The following FMN2 variants were observed in gnomAD, a reference collection of about 807,000 sequenced individuals.
The protein encoded by FMN2 is formin-2.
FMN2 carries 51 observed loss-of-function variants against 142.3 expected under a neutral mutation model. The observed-to-expected ratio is 0.36, with a 90% CI of 0.29 to 0.45. FMN2 has a LOEUF of 0.45. Ranked by LOEUF, FMN2 falls within the 20% of genes least tolerant of loss-of-function variation. The probability of loss-of-function intolerance (pLI) is 1.00; values close to 1 mark genes in which losing one functional copy is unlikely to be tolerated. For missense variants in FMN2, 1,936 were observed against 2,122.8 expected (o/e 0.91, Z 1.73); for synonymous variants, 882 against 869.8 (o/e 1.01, Z -0.25).
rs181797599 is a variant in FMN2, at chr1:240,252,386, A to G, written c.4066-5559A>G. On this transcript the variant is annotated intron_variant, in intron 6 of 17. Coordinates refer to ENST00000319653, the MANE Select transcript of FMN2 (RefSeq NM_020066.5). The stretch of plus-strand genomic sequence containing the variant: ...CTTTTGCATGCTTTCATGATGGTGG[A>G]TATCATTCTTTTGCTTGCAGGTGTA... Among the ~76,000 whole-genome samples the G allele has an allele frequency of 4.0e-3, 607 of 151,992 alleles. 2 individuals are homozygous for G. Among genetic ancestry groups the G allele is most frequent in the African/African-American group, 0.014 (571 of 41,446 alleles).
chr1:240,203,038 A>G (rs573824663), intron 4 of FMN2, among the ~76,000 whole-genome samples: 3 of 152,352 alleles, frequency 2.0e-5, no homozygotes, highest in African/African-American at 7.2e-5. Flanking sequence ...GTCACCTTTA[A>G]GAGTATGCTG....
intron 7 of FMN2, among the ~76,000 whole-genome samples, chr1:240,293,957 T>C (rs1420061696): frequency 6.6e-6 from 1 of 152,170 alleles, no homozygotes; most frequent in Non-Finnish European, 1.5e-5. Flanking sequence ...ATGCCTCTTA[T>C]CAAAATAAAT....
chr1:240,439,270 C>CAAAA (rs58234038), intron 16 of FMN2, among the ~76,000 whole-genome samples: 15 of 101,262 alleles, frequency 1.5e-4, no homozygotes, highest in African/African-American at 5.0e-4. Flanking sequence ...AAGGCTGTCT[C>CAAAA]AAAAAAAAAA....
At chr1:240,422,178 A>G (rs1674790525) in intron 15 of FMN2, among the ~76,000 whole-genome samples, 1 of 152,210 alleles carries the variant, frequency 6.6e-6, no homozygotes, top group Non-Finnish European at 1.5e-5. Context: ...TCTTGAAGTC[A>G]GATAGTATCA....
chr1:240,166,292 C>T (rs1020836431), intron 2 of FMN2, among the ~76,000 whole-genome samples: 32 of 151,880 alleles, frequency 2.1e-4, no homozygotes, highest in African/African-American at 7.3e-4. Context: ...TGCAATGGCA[C>T]GATCTTGGCT....
chr1:240,176,279 T>A (rs1384578722), intron 2 of FMN2, among the ~76,000 whole-genome samples: 1 of 152,206 alleles, frequency 6.6e-6, no homozygotes, highest in East Asian at 1.9e-4. Flanking sequence ...CAAATGAAGT[T>A]TTGCCCAACA....
chr1:240,388,748 A>G (rs986132168), intron 14 of FMN2, among the ~76,000 whole-genome samples: 1 of 151,556 alleles, frequency 6.6e-6, no homozygotes, highest in African/African-American at 2.4e-5. Context: ...TGTAATCCCA[A>G]CTACTCGGGA....
rs568567427 is a variant in FMN2 at position 240,389,154 on chromosome 1, C to T, written c.4859-3357C>T. Among the ~76,000 whole-genome samples the T allele has an allele frequency of 7.9e-5, 12 of 152,198 alleles. 1 individual carries two copies. Among genetic ancestry groups the T allele is most frequent in the Admixed American group, 4.6e-4 (7 of 15,266 alleles). The stretch of plus-strand genomic sequence containing the variant: ...TTTTATCTCTTGTATGCAATTCACT[C>T]GGCATACTTTATTTAAATGAAGTTT... On this transcript the variant is annotated intron_variant, in intron 14 of 17. Transcript: ENST00000319653.
At position 240,355,904 on chromosome 1, in the gene FMN2, T is replaced by C; in HGVS notation, c.4854T>C (p.Ile1618=). The C allele has an allele frequency of 6.7e-7, 1 of 1,499,322 alleles. No individual in the cohort carries two copies. The highest frequency in any genetic ancestry group is 1.1e-5 in the South Asian group (1 of 87,230). 92.9% of individuals were successfully genotyped at this position (1,499,322 alleles called of 1,614,324 possible). ...PFKENMEQFI[I]QAKIDQEAEE... ...AGGAAAACATGGAACAATTTATTATTCAAGGTAAATTCCAAAGAGATGTGT... is the reference window on the plus strand; with the variant it reads ...AGGAAAACATGGAACAATTTATTATCCAAGGTAAATTCCAAAGAGATGTGT... The change falls in exon 14 of 18, where the codon ATT becomes ATC. Residue 1618 remains isoleucine, a synonymous_variant. Transcript: ENST00000319653.
At chr1:240,454,487 A>T (rs1676171590) in intron 16 of FMN2, among the ~76,000 whole-genome samples, 1 of 152,180 alleles carries the variant, frequency 6.6e-6, no homozygotes, top group African/African-American at 2.4e-5. Flanking sequence ...GGTTGCAATG[A>T]GCTGAGATCG....
At chr1:240,305,181 T>C (rs1224787818) in intron 8 of FMN2, among the ~76,000 whole-genome samples, 1 of 152,202 alleles carries the variant, frequency 6.6e-6, no homozygotes, top group African/African-American at 2.4e-5. Context: ...TTGATTGTAT[T>C]TTCCTTTGAG....
chr1:240,248,465 C>T (rs1333250747), intron 6 of FMN2, among the ~76,000 whole-genome samples: 2 of 144,348 alleles, frequency 1.4e-5, no homozygotes, highest in Non-Finnish European at 3.0e-5. Flanking sequence ...ATATAACATA[C>T]ATGTTATATA....
intron 8 of FMN2, among the ~76,000 whole-genome samples, chr1:240,328,167 A>AAAAAAAAAAAAGAAAG (rs1558435720): frequency 1.4e-5 from 2 of 141,074 alleles, no homozygotes; most frequent in African/African-American, 5.4e-5. Flanking sequence ...AAAAAAAAAA[A>AAAAAAAAAAAAGAAAG]AAAAAGAAAA....
At chr1:240,184,715 G>A (rs1293759621) in intron 3 of FMN2, among the ~76,000 whole-genome samples, 1 of 151,882 alleles carries the variant, frequency 6.6e-6, no homozygotes, top group African/African-American at 2.4e-5. Flanking sequence ...ATTCCTGAAA[G>A]TGCCCTGGAT....
intron 13 of FMN2, among the ~76,000 whole-genome samples, chr1:240,353,233 A>G (rs898117466): frequency 2.0e-5 from 3 of 152,216 alleles, no homozygotes; most frequent in Non-Finnish European, 4.4e-5. Flanking sequence ...TTTTTTGTGC[A>G]TGTACTTAGC....
At chr1:240,319,006 T>C (rs1670880264) in intron 8 of FMN2, among the ~76,000 whole-genome samples, 1 of 152,176 alleles carries the variant, frequency 6.6e-6, no homozygotes, top group South Asian at 2.1e-4. Flanking sequence ...TTCTGAAGTA[T>C]GCAGGTGAAA....
At chr1:240,343,250 T>A (rs1671801295) in intron 13 of FMN2, among the ~76,000 whole-genome samples, 2 of 152,226 alleles carry the variant, frequency 1.3e-5, no homozygotes, top group Non-Finnish European at 2.9e-5. Flanking sequence ...GACTACTCTG[T>A]GTCACTGTTT....
rs565623395 is a variant in FMN2, at chr1:240,158,921, AC to A, written c.1783-18997del. ...ATTATTCTTTGGTAGCTTAATGATT[AC>A]CCTTCTACATAATATTTATATATAG... On this transcript the variant is annotated intron_variant, in intron 2 of 17. Transcript: ENST00000319653. Among the ~76,000 whole-genome samples the A allele has an allele frequency of 4.6e-5, 7 of 152,266 alleles. No homozygotes were observed. The East Asian group carries it at 1.4e-3, about 29-fold the overall frequency.
At chr1:240,241,868 G>T (rs533427904) in intron 6 of FMN2, among the ~76,000 whole-genome samples, 2 of 118,734 alleles carry the variant, frequency 1.7e-5, no homozygotes, top group African/African-American at 3.6e-5. Context: ...ACGGAGTCTC[G>T]CTCTGTCGCC....
Sources: gnomAD v4.1 joint callset for allele counts (sites outside exome capture counted in the v4.1 genomes callset) on GRCh38, gnomAD v4.1.1 for gene constraint, MANE v1.5 for transcripts, NCBI Gene and HGNC (gene_info 2026-07-23, HGNC 2026-07-21) for gene names.